Variants in ERI3 observed in about 807,000 individuals in gnomAD.
ERI3 encodes ERI1 exoribonuclease 3.
In ERI3, 18 loss-of-function variants were observed where a neutral mutation model predicts 44.4. The ratio of observed to expected loss-of-function variants is 0.41; its 90% CI spans 0.28 to 0.60. ERI3 has a LOEUF of 0.60. Among genes scored for constraint, ERI3 ranks in the 20% least tolerant of loss-of-function variants. ERI3 has a pLI of 0.36. For missense variants in ERI3, 294 were observed against 435.5 expected, an observed-to-expected ratio of 0.68 and a Z score of 2.89; for synonymous variants, 183 against 164.8, an observed-to-expected ratio of 1.11 and a Z score of -0.84.
intron 3 of ERI3, among the ~76,000 whole-genome samples, chr1:44,338,757 T>C (rs1384357869): frequency 3.9e-5 from 6 of 151,932 alleles, no homozygotes; most frequent in Admixed American, 3.9e-4. Context: ...AGCAGGAGAA[T>C]GGAGGAAAGA....
At chr1:44,352,995 C>T in intron 1 of ERI3, 70 bp from the exon 2 acceptor site, 1 of 1,600,612 alleles carries the variant, frequency 6.2e-7, no homozygotes, top group Non-Finnish European at 8.5e-7. Context: ...ATGAAGGATA[C>T]TACACCTCAA....
intron 7 of ERI3, among the ~76,000 whole-genome samples, chr1:44,248,881 C>A (rs902583951): frequency 2.0e-5 from 3 of 152,182 alleles, no homozygotes; most frequent in South Asian, 4.2e-4. Flanking sequence ...CCATTGCCCC[C>A]CCTCCATCCC....
At chr1:44,338,519 C>T (rs1296305708) in intron 3 of ERI3, among the ~76,000 whole-genome samples, 1 of 152,222 alleles carries the variant, frequency 6.6e-6, no homozygotes, top group Non-Finnish European at 1.5e-5. Context: ...GCTGGCTTCC[C>T]CCAGAGCAAG....
At chr1:44,299,370 T>TTTATTG (rs1645677147) in intron 6 of ERI3, among the ~76,000 whole-genome samples, 1 of 151,424 alleles carries the variant, frequency 6.6e-6, no homozygotes, top group Admixed American at 6.6e-5. Context: ...TATTTTTATT[T>TTTATTG]TTAATAGAGA....
chr1:44,317,973 TCACTTTTAGAACAG>T (rs1254561674), intron 4 of ERI3, among the ~76,000 whole-genome samples: 1 of 152,168 alleles, frequency 6.6e-6, no homozygotes, highest in Middle Eastern at 3.2e-3. Context: ...AACCACATTT[TCACTTTTAGAACAG>T]CCTTCATAAT....
At chr1:44,327,889 GC>G (rs1185987760) in intron 3 of ERI3, among the ~76,000 whole-genome samples, 1 of 152,220 alleles carries the variant, frequency 6.6e-6, no homozygotes, top group Admixed American at 6.5e-5. Context: ...AGATACACTA[GC>G]TGGGGGTGAA....
chr1:44,324,413 G>A (rs1646264769), intron 3 of ERI3, among the ~76,000 whole-genome samples: 1 of 149,730 alleles, frequency 6.7e-6, no homozygotes, highest in African/African-American at 2.5e-5. Context: ...CCAAATCCCA[G>A]TCTTACCTAG....
intron 7 of ERI3, among the ~76,000 whole-genome samples, chr1:44,281,368 G>T (rs1443632014): frequency 6.6e-6 from 1 of 151,764 alleles, no homozygotes; most frequent in Non-Finnish European, 1.5e-5. Context: ...AGGGAGGACT[G>T]CTTGAGCCCA....
chr1:44,281,616 A>T (rs1172621500), intron 7 of ERI3, among the ~76,000 whole-genome samples: 4 of 146,114 alleles, frequency 2.7e-5, no homozygotes, highest in Non-Finnish European at 6.0e-5. Context: ...ATATATATAT[A>T]TATAATATAT....
At chr1:44,264,972 T>C (rs1644961197) in intron 7 of ERI3, among the ~76,000 whole-genome samples, 2 of 152,224 alleles carry the variant, frequency 1.3e-5, no homozygotes, top group Admixed American at 6.5e-5. Flanking sequence ...TATGGGCTAC[T>C]GACTGGAATG....
chr1:44,306,809 G>A (rs1645845307), intron 6 of ERI3, among the ~76,000 whole-genome samples: 1 of 152,232 alleles, frequency 6.6e-6, no homozygotes, highest in South Asian at 2.1e-4. Flanking sequence ...TGGAGGAAGT[G>A]GACCTCTGGA....
Position 44,313,201 on chromosome 1 carries a change from C to CT in ERI3, c.633_634insA (p.Asp212ArgfsTer15). The stretch of plus-strand genomic sequence containing the variant: ...ACTTGCTGCAGGCTTGGCTGACCAT[C>CT]CACCATGGCTTGAATAATCCCGGTG... On this transcript the variant is annotated frameshift_variant, in exon 5 of 9. Transcript: ENST00000372257. LOFTEE classifies it high-confidence loss of function. 6.2e-7 allele frequency: 1 copy of CT among 1,614,120 alleles called. No individual in the cohort carries two copies. The highest frequency in any genetic ancestry group is 8.5e-7 in the Non-Finnish European group (1 of 1,180,014).
chr1:44,274,738 C>G (rs539700193), intron 7 of ERI3, among the ~76,000 whole-genome samples: 1 of 152,282 alleles, frequency 6.6e-6, no homozygotes, highest in South Asian at 2.1e-4. Flanking sequence ...AATTCAGTAG[C>G]CTCCAGCTCC....
intron 7 of ERI3, among the ~76,000 whole-genome samples, chr1:44,248,928 G>T (rs1286891784): frequency 2.0e-5 from 3 of 148,332 alleles, no homozygotes; most frequent in East Asian, 2.0e-4. Flanking sequence ...ACCTCCACCT[G>T]GGGGGGGGAC....
chr1:44,342,911 G>A (rs1242079759), intron 2 of ERI3, among the ~76,000 whole-genome samples: 5 of 112,012 alleles, frequency 4.5e-5, no homozygotes, highest in African/African-American at 1.1e-4. Context: ...GTCTCACTAC[G>A]TTGCCCAGGC....
rs113526509 is a variant in ERI3 at position 44,347,879 on chromosome 1, T to TTGTGTG, written c.211+4965_211+4970dup. Among the ~76,000 whole-genome samples the TTGTGTG allele has an allele frequency of 3.4e-3, 503 of 148,878 alleles. 4 individuals are homozygous for TTGTGTG. Among genetic ancestry groups the TTGTGTG allele is most frequent in the African/African-American group, 0.011 (426 of 40,422 alleles). ...TAAAGAAGAGCATGAGATTGTTTTG[T>TTGTGTG]TGTGTGTGTGTGTGTGTGTGTGTGT... On this transcript the variant is annotated intron_variant, in intron 2 of 8. Coordinates refer to ENST00000372257, the MANE Select transcript of ERI3 (RefSeq NM_024066.3).
intron 7 of ERI3, among the ~76,000 whole-genome samples, chr1:44,262,877 C>G (rs1644922430): frequency 6.6e-6 from 1 of 152,162 alleles, no homozygotes; most frequent in African/African-American, 2.4e-5. Context: ...TATTTCCTGC[C>G]CCAAAACTCA....
chr1:44,344,998 C>A (rs1442088141), intron 2 of ERI3, among the ~76,000 whole-genome samples: 3 of 152,186 alleles, frequency 2.0e-5, no homozygotes. Flanking sequence ...ACAACAGACA[C>A]CAATGGCTCC....
chr1:44,353,775 G>A, intron 1 of ERI3: 1 of 985,418 alleles, frequency 1.0e-6, no homozygotes, highest in South Asian at 4.7e-5. Flanking sequence ...TTGTTAATGA[G>A]CTTTTAATTT....
Sources: gnomAD v4.1 joint callset for allele counts (sites outside exome capture counted in the v4.1 genomes callset) on GRCh38, gnomAD v4.1.1 for gene constraint, MANE v1.5 for transcripts, NCBI Gene and HGNC (gene_info 2026-07-23, HGNC 2026-07-21) for gene names.